Variants in SUPT3H observed in about 807,000 individuals in gnomAD.
SUPT3H encodes transcription initiation protein SPT3 homolog.
In SUPT3H, 44 loss-of-function variants were observed where a neutral mutation model predicts 44.3. The ratio of observed to expected loss-of-function variants is 0.99; its 90% CI spans 0.78 to 1.28. The LOEUF (loss-of-function observed/expected upper bound fraction) is 1.28, where lower values mean the gene tolerates loss of function less well. SUPT3H is among the 50% of genes most tolerant of loss of function. SUPT3H has a pLI of 0.00. For synonymous variants in SUPT3H, 124 were observed against 125.6 expected (o/e 0.99, Z 0.09); for missense variants, 380 against 387.1 (o/e 0.98, Z 0.15).
chr6:44,952,496 T>G (rs2153473377), intron 9 of SUPT3H, among the ~76,000 whole-genome samples: 1 of 152,334 alleles, frequency 6.6e-6, no homozygotes, highest in East Asian at 1.9e-4. Flanking sequence ...CTTAGCCATT[T>G]TCAGGTTATA....
At chr6:44,976,589 C>T (rs1463058306) in intron 6 of SUPT3H, among the ~76,000 whole-genome samples, 2 of 152,116 alleles carry the variant, frequency 1.3e-5, no homozygotes, top group African/African-American at 2.4e-5. Flanking sequence ...TTTCAAACTC[C>T]TGACCTCAAG....
intron 3 of SUPT3H, among the ~76,000 whole-genome samples, chr6:45,065,769 G>A (rs1664736351): frequency 6.6e-6 from 1 of 151,794 alleles, no homozygotes; most frequent in Non-Finnish European, 1.5e-5. Context: ...GGAAGAAGTT[G>A]AATCTCTGAA....
At chr6:45,058,291 A>T (rs1325844216) in intron 3 of SUPT3H, among the ~76,000 whole-genome samples, 1 of 152,122 alleles carries the variant, frequency 6.6e-6, no homozygotes, top group African/African-American at 2.4e-5. Context: ...GCAGTTTAGC[A>T]ATTGATTTCT....
intron 10 of SUPT3H, among the ~76,000 whole-genome samples, chr6:44,849,371 C>T (rs985006759): frequency 2.0e-4 from 30 of 149,836 alleles, no homozygotes; most frequent in South Asian, 2.1e-4. Flanking sequence ...GGACTACAGG[C>T]GCCCGCCACT....
At chr6:44,948,205 A>G (rs897055433) in intron 9 of SUPT3H, among the ~76,000 whole-genome samples, 50 of 152,092 alleles carry the variant, frequency 3.3e-4, no homozygotes, top group African/African-American at 1.2e-3. Flanking sequence ...TACTGAAACT[A>G]GATCCCTTCC....
intron 2 of SUPT3H, among the ~76,000 whole-genome samples, chr6:45,124,275 C>A (rs1464471218): frequency 2.7e-5 from 4 of 146,706 alleles, no homozygotes; most frequent in African/African-American, 1.1e-4. Flanking sequence ...TAAAAAAAAA[C>A]ACTAATTTGT....
chr6:44,971,154 T>A (rs1777517459), intron 6 of SUPT3H, among the ~76,000 whole-genome samples: 1 of 152,274 alleles, frequency 6.6e-6, no homozygotes, highest in South Asian at 2.1e-4. Flanking sequence ...AAATAAAAAT[T>A]TTTATTGCAG....
intron 10 of SUPT3H, among the ~76,000 whole-genome samples, chr6:44,877,408 G>A (rs1181536621): frequency 1.3e-5 from 2 of 149,306 alleles, no homozygotes; most frequent in Non-Finnish European, 3.0e-5. Context: ...GGCAGAGGTT[G>A]CAGTGAGCTG....
intron 5 of SUPT3H, among the ~76,000 whole-genome samples, chr6:45,013,987 G>C (rs1472374732): frequency 1.3e-5 from 2 of 151,940 alleles, no homozygotes; most frequent in Non-Finnish European, 2.9e-5. Context: ...TACGTGCTTA[G>C]GACAATTTCT....
chr6:44,957,846 A>G (rs183290851), intron 7 of SUPT3H, among the ~76,000 whole-genome samples: 274 of 152,358 alleles, frequency 1.8e-3, no homozygotes, highest in African/African-American at 6.4e-3. Context: ...AGACATGCAT[A>G]GAAGTCCAAA....
At chr6:45,022,108 T>C (rs1257485092) in intron 3 of SUPT3H, among the ~76,000 whole-genome samples, 1 of 152,052 alleles carries the variant, frequency 6.6e-6, no homozygotes, top group Non-Finnish European at 1.5e-5. Context: ...TTGAGAAGAA[T>C]ATGGGCTATA....
At chr6:45,179,293 A>G (rs1812648313) in intron 2 of SUPT3H, among the ~76,000 whole-genome samples, 2 of 152,224 alleles carry the variant, frequency 1.3e-5, no homozygotes, top group South Asian at 4.1e-4. Context: ...GAATTCTATC[A>G]GAGGTACAAG....
chr6:45,310,770 T>A (rs933245827), intron 2 of SUPT3H, among the ~76,000 whole-genome samples: 1 of 151,994 alleles, frequency 6.6e-6, no homozygotes, highest in African/African-American at 2.4e-5. Flanking sequence ...GACAAAAAAA[T>A]CTGAACAACA....
chr6:45,352,839 T>C (rs1792342925), intron 2 of SUPT3H, among the ~76,000 whole-genome samples: 1 of 152,200 alleles, frequency 6.6e-6, no homozygotes, highest in South Asian at 2.1e-4. Flanking sequence ...ATAATTCTAT[T>C]AGTCAGAATG....
intron 2 of SUPT3H, among the ~76,000 whole-genome samples, chr6:45,271,953 C>T (rs1776260571): frequency 6.6e-6 from 1 of 152,102 alleles, no homozygotes; most frequent in South Asian, 2.1e-4. Flanking sequence ...ATTTGATGGC[C>T]CCACTGGATT....
At chr6:45,288,683 A>C (rs1455590597) in intron 2 of SUPT3H, among the ~76,000 whole-genome samples, 6 of 148,088 alleles carry the variant, frequency 4.1e-5, no homozygotes, top group Non-Finnish European at 7.5e-5. Flanking sequence ...ACTGTTTATA[A>C]ATTCATTAAT....
At chr6:45,249,627 C>T (rs74945036) in intron 2 of SUPT3H, among the ~76,000 whole-genome samples, 3,094 of 152,242 alleles carry the variant, frequency 0.02, 42 homozygotes, top group Non-Finnish European at 0.032. Context: ...CAGGGATCCA[C>T]GGTGGCACTG....
At chr6:45,152,150 C>A (rs1256065201) in intron 2 of SUPT3H, among the ~76,000 whole-genome samples, 3 of 152,172 alleles carry the variant, frequency 2.0e-5, no homozygotes, top group Non-Finnish European at 2.9e-5. Context: ...ACAGAACACA[C>A]CCAAAATTAA....
At chr6:45,226,724 T>G (rs367748134) in intron 2 of SUPT3H, among the ~76,000 whole-genome samples, 1 of 151,862 alleles carries the variant, frequency 6.6e-6, no homozygotes, top group East Asian at 1.9e-4. Context: ...AGAGACGGGG[T>G]TTCACCATGT....
Sources: gnomAD v4.1 joint callset for allele counts (sites outside exome capture counted in the v4.1 genomes callset) on GRCh38, gnomAD v4.1.1 for gene constraint, MANE v1.5 for transcripts, NCBI Gene and HGNC (gene_info 2026-07-23, HGNC 2026-07-21) for gene names.